Variants in GREB1L observed in about 807,000 individuals in gnomAD.
The protein encoded by GREB1L is GREB1 like retinoic acid receptor coactivator, also known as GREB1-like protein.
Under a neutral mutation model 200.8 loss-of-function variants are expected in GREB1L, and 17 were observed. The ratio of observed to expected loss-of-function variants is 0.08; its 90% CI spans 0.06 to 0.13. The LOEUF is 0.13. Ranked by LOEUF, GREB1L falls within the 10% of genes least tolerant of loss-of-function variation. The pLI is 1.00. For missense variants in GREB1L, 1,657 were observed against 2,367.7 expected, an observed-to-expected ratio of 0.70 and a Z score of 6.23; for synonymous variants, 789 against 893.0, an observed-to-expected ratio of 0.88 and a Z score of 2.08.
chr18:21,300,478 C>T (rs898627136), intron 1 of GREB1L, among the ~76,000 whole-genome samples: 1 of 152,188 alleles, frequency 6.6e-6, no homozygotes, highest in African/African-American at 2.4e-5. Context: ...TTTTGTGACT[C>T]TCTTATCCTG....
chr18:21,456,429 C>T (rs1158951201), intron 15 of GREB1L, among the ~76,000 whole-genome samples: 1 of 152,202 alleles, frequency 6.6e-6, no homozygotes, highest in African/African-American at 2.4e-5. Context: ...ATCAAATTTT[C>T]TCATATGCTC....
intron 7 of GREB1L, among the ~76,000 whole-genome samples, chr18:21,434,539 A>ATATATATG (rs1568007784): frequency 1.4e-3 from 191 of 132,188 alleles, no homozygotes; most frequent in African/African-American, 5.6e-3. Flanking sequence ...GTGTATATAT[A>ATATATATG]TGTGTATATA....
chr18:21,252,625 T>C (rs1243951767), intron 1 of GREB1L, among the ~76,000 whole-genome samples: 1 of 151,396 alleles, frequency 6.6e-6, no homozygotes, highest in Non-Finnish European at 1.5e-5. Context: ...CCTAGCACTT[T>C]GGGAGGCCGA....
intron 30 of GREB1L, among the ~76,000 whole-genome samples, chr18:21,517,345 T>C (rs1038526322): frequency 3.3e-5 from 5 of 152,312 alleles, no homozygotes; most frequent in African/African-American, 1.2e-4. Context: ...AGTTTCAAGA[T>C]GGCAAACTTT....
At chr18:21,339,944 C>T (rs2145135034) in intron 1 of GREB1L, among the ~76,000 whole-genome samples, 1 of 152,332 alleles carries the variant, frequency 6.6e-6, no homozygotes, top group South Asian at 2.1e-4. Context: ...AAGTCCACCT[C>T]ACCTCTCTGG....
chr18:21,386,583 T>C (rs2040550320), intron 4 of GREB1L, among the ~76,000 whole-genome samples: 1 of 144,316 alleles, frequency 6.9e-6, no homozygotes, highest in East Asian at 2.1e-4. Context: ...CCACTGTGCC[T>C]GGCCAGTAGC....
At chr18:21,469,993 A>T (rs888971857) in intron 15 of GREB1L, among the ~76,000 whole-genome samples, 5 of 152,206 alleles carry the variant, frequency 3.3e-5, no homozygotes, top group Admixed American at 2.6e-4. Context: ...AGTAAAATTT[A>T]AAAAATCAAA....
intron 31 of GREB1L, among the ~76,000 whole-genome samples, chr18:21,520,378 G>A (rs1186956343): frequency 6.6e-6 from 1 of 152,140 alleles, no homozygotes; most frequent in African/African-American, 2.4e-5. Context: ...TTTGTGGAAG[G>A]TAGTTTTTTA....
At chr18:21,339,795 G>A (rs1309776464) in intron 1 of GREB1L, among the ~76,000 whole-genome samples, 1 of 152,134 alleles carries the variant, frequency 6.6e-6, no homozygotes, top group Non-Finnish European at 1.5e-5. Context: ...ATTTTGTTGG[G>A]TCTATTGTGT....
At chr18:21,435,624 A>G (rs558920929) in intron 7 of GREB1L, among the ~76,000 whole-genome samples, 7 of 152,314 alleles carry the variant, frequency 4.6e-5, no homozygotes, top group Non-Finnish European at 1.0e-4. Flanking sequence ...AGCAGAAACA[A>G]TGGTTAAAAG....
Position 21,500,210 on chromosome 18 carries a change from C to A in GREB1L, c.3873C>A (p.Ala1291=). The A allele has an allele frequency of 6.5e-7, 1 of 1,544,360 alleles. No homozygotes were observed. The highest frequency in any genetic ancestry group is 8.7e-7 in the Non-Finnish European group (1 of 1,144,368). The change falls in exon 22 of 33, where the codon GCC becomes GCA. Residue 1291 remains alanine, a synonymous_variant. Coordinates refer to ENST00000424526, the MANE Select transcript of GREB1L (RefSeq NM_001142966.3). ...QSLYYRQWTL[A]RQHHADYSNQ... is the part of the protein sequence containing the mutation. ...TCTACTACAGGCAGTGGACCTTGGC[C>A]CGGCAGCACCACGCTGACTATAGCA...
At chr18:21,276,907 C>A (rs565534867) in intron 1 of GREB1L, among the ~76,000 whole-genome samples, 1 of 150,310 alleles carries the variant, frequency 6.7e-6, no homozygotes, top group Admixed American at 6.6e-5. Flanking sequence ...AGCTCTCCTT[C>A]CCTTTACAGC....
intron 15 of GREB1L, chr18:21,454,905 A>C (rs2034685032): frequency 8.6e-6 from 3 of 350,532 alleles, no homozygotes; most frequent in South Asian, 7.3e-5. Flanking sequence ...GTGCCACCTG[A>C]ACTCCTCCCA....
intron 25 of GREB1L, 89 bp downstream of exon 25, chr18:21,506,038 C>A: frequency 7.5e-7 from 1 of 1,328,580 alleles, no homozygotes; most frequent in Non-Finnish European, 1.0e-6. Flanking sequence ...AAATAAGGCC[C>A]CTAGTTTCAG....
At chr18:21,296,526 A>T (rs1236876885) in intron 1 of GREB1L, among the ~76,000 whole-genome samples, 3 of 152,174 alleles carry the variant, frequency 2.0e-5, no homozygotes, top group African/African-American at 7.2e-5. Context: ...AAACCTCAGC[A>T]TCACTCAGTT....
chr18:21,355,996 T>G (rs1186262892), intron 1 of GREB1L, among the ~76,000 whole-genome samples: 1 of 145,802 alleles, frequency 6.9e-6, no homozygotes, highest in East Asian at 1.9e-4. Context: ...TTTTTTTTTT[T>G]TTTTTTTTGA....
chr18:21,516,807 CTA>C, intron 30 of GREB1L, 53 bp downstream of exon 30: 1 of 1,461,134 alleles, frequency 6.8e-7, no homozygotes, highest in Non-Finnish European at 9.3e-7. Flanking sequence ...ATGATAATGA[CTA>C]TCTTTGTTAT....
chr18:21,258,403 C>T (rs2037835252), intron 1 of GREB1L, among the ~76,000 whole-genome samples: 1 of 152,142 alleles, frequency 6.6e-6, no homozygotes. Flanking sequence ...TAGTTGCCCC[C>T]TCAATAAATA....
At chr18:21,295,905 A>G (rs548604006) in intron 1 of GREB1L, among the ~76,000 whole-genome samples, 1 of 152,340 alleles carries the variant, frequency 6.6e-6, no homozygotes, top group South Asian at 2.1e-4. Flanking sequence ...ACACTTCTCT[A>G]TTACTAAAAA....
Sources: allele counts gnomAD v4.1 joint callset (sites outside exome capture counted in the v4.1 genomes callset), GRCh38; gene constraint gnomAD v4.1.1; transcripts MANE v1.5; gene names NCBI Gene and HGNC (gene_info 2026-07-23, HGNC 2026-07-21).